Variants in RBM19 observed in about 807,000 individuals in gnomAD.
RBM19 encodes the protein RNA binding motif protein 19.
In RBM19, 94 loss-of-function variants were observed where a neutral mutation model predicts 116.8. The observed-to-expected ratio is 0.80, with a 90% CI of 0.68 to 0.95. The LOEUF (loss-of-function observed/expected upper bound fraction) is 0.95, where lower values mean the gene tolerates loss of function less well. Among genes scored for constraint, RBM19 ranks in the 40% least tolerant of loss-of-function variants. The pLI is 0.00. For missense variants in RBM19, 1,161 were observed against 1,220.7 expected (o/e 0.95, Z 0.73); for synonymous variants, 475 against 494.1 (o/e 0.96, Z 0.51).
chr12:113,850,330 C>T (rs1877354256), intron 22 of RBM19, among the ~76,000 whole-genome samples: 2 of 152,190 alleles, frequency 1.3e-5, no homozygotes, highest in Non-Finnish European at 2.9e-5. Context: ...GCAGGTCTAG[C>T]CAGACTCCAG....
chr12:113,888,401 T>C (rs1260127879), intron 21 of RBM19, among the ~76,000 whole-genome samples: 1 of 152,200 alleles, frequency 6.6e-6, no homozygotes, highest in Non-Finnish European at 1.5e-5. Context: ...AACCTTGACC[T>C]TCTAAGTCCA....
chr12:113,952,592 T>C lies in RBM19; in HGVS notation c.922-2A>G. The C allele has an allele frequency of 1.2e-6, 2 of 1,613,670 alleles. No individual in the cohort carries two copies. The highest frequency in any genetic ancestry group is 1.7e-6 in the Non-Finnish European group (2 of 1,179,626). On this transcript the variant is annotated splice_acceptor_variant, in intron 7 of 23. Coordinates refer to ENST00000261741, the MANE Select transcript of RBM19 (RefSeq NM_016196.4). LOFTEE classifies it high-confidence loss of function. ...TGCCAGGAATTCCATAACATTTTTC[T>C]GTGAGAAGAAGTTTTTTTCCCCTTA...
intron 2 of RBM19, among the ~76,000 whole-genome samples, chr12:113,961,601 T>C (rs1872508311): frequency 6.6e-6 from 1 of 152,220 alleles, no homozygotes; most frequent in African/African-American, 2.4e-5. Flanking sequence ...CCATCATCTG[T>C]TTTTTCCTTC....
At chr12:113,931,677 G>A (rs968501907) in intron 16 of RBM19, among the ~76,000 whole-genome samples, 1 of 152,068 alleles carries the variant, frequency 6.6e-6, no homozygotes, top group African/African-American at 2.4e-5. Flanking sequence ...TGATGGCCGA[G>A]CCTGCCAAGC....
chr12:113,902,496 G>C (rs1881758992), intron 21 of RBM19, among the ~76,000 whole-genome samples: 1 of 151,838 alleles, frequency 6.6e-6, no homozygotes. Context: ...CTACTCAGGA[G>C]GCTGGGGAAG....
intron 23 of RBM19, among the ~76,000 whole-genome samples, chr12:113,833,273 G>C (rs1417814357): frequency 1.3e-5 from 2 of 152,202 alleles, no homozygotes; most frequent in East Asian, 3.8e-4. Context: ...AGTCTGGCTG[G>C]CTCTACCTTT....
chr12:113,937,139 G>T lies in RBM19; in HGVS notation c.1939-3C>A, dbSNP rs1472658273. ...AGATAGAGGGGGACATGATGGAACT[G>T]CAGAGACAAGAGTGATGGCCCTGTG... On this transcript the variant is annotated splice_polypyrimidine_tract_variant and splice_region_variant and intron_variant, in intron 15 of 23. Coordinates refer to ENST00000261741, the MANE Select transcript of RBM19 (RefSeq NM_016196.4). 6.2e-7 allele frequency: 1 copy of T among 1,613,950 alleles called. No homozygotes were observed. The highest frequency in any genetic ancestry group is 8.5e-7 in the Non-Finnish European group (1 of 1,179,904).
chr12:113,891,841 G>C (rs116430511), intron 21 of RBM19, among the ~76,000 whole-genome samples: 1 of 152,176 alleles, frequency 6.6e-6, no homozygotes, highest in Non-Finnish European at 1.5e-5. Flanking sequence ...GCCCCACGAA[G>C]TGTAATCACA....
At chr12:113,960,033 A>C (rs1872352588) in intron 3 of RBM19, 26 bp downstream of exon 3, 1 of 1,614,056 alleles carries the variant, frequency 6.2e-7, no homozygotes. Context: ...CAGTGGGGAC[A>C]GAGGCTAGAG....
rs58632101 is a variant in RBM19, at chr12:113,857,237, C to T, written c.2664+1554G>A. Among the ~76,000 whole-genome samples the T allele has an allele frequency of 5.4e-3, 825 of 152,268 alleles. 10 individuals carry two copies. The highest frequency in any genetic ancestry group is 0.018 in the African/African-American group (756 of 41,540). On this transcript the variant is annotated intron_variant, in intron 22 of 23. Coordinates refer to ENST00000261741, the MANE Select transcript of RBM19 (RefSeq NM_016196.4). ...ATCCACAGAGCATCACATGTGTGCACGAATCCATAGACCAAGGGTGGCTCT... is the reference window on the plus strand; with the variant it reads ...ATCCACAGAGCATCACATGTGTGCATGAATCCATAGACCAAGGGTGGCTCT...
At chr12:113,956,951 A>G (rs563351405) in intron 6 of RBM19, among the ~76,000 whole-genome samples, 1 of 152,336 alleles carries the variant, frequency 6.6e-6, no homozygotes, top group Non-Finnish European at 1.5e-5. Context: ...GCGCAGGCTC[A>G]GTTGATCCTC....
At chr12:113,828,867 C>CA (rs1722639704) in intron 23 of RBM19, among the ~76,000 whole-genome samples, 1 of 152,208 alleles carries the variant, frequency 6.6e-6, no homozygotes, top group South Asian at 2.1e-4. Context: ...GATAGGTCTG[C>CA]ATCTCAGGGC....
intron 10 of RBM19, among the ~76,000 whole-genome samples, chr12:113,948,590 C>T (rs753978913): frequency 6.6e-6 from 1 of 152,228 alleles, no homozygotes; most frequent in Non-Finnish European, 1.5e-5. Context: ...AGAGTTCAGA[C>T]AGCAAAGGAT....
chr12:113,920,696 A>C lies in RBM19; in HGVS notation c.2306-6T>G. The C allele has an allele frequency of 1.2e-6, 2 of 1,612,660 alleles. No individual in the cohort carries two copies. Among genetic ancestry groups the C allele is most frequent in the South Asian group, 2.2e-5 (2 of 91,056 alleles). On this transcript the variant is annotated splice_region_variant and splice_polypyrimidine_tract_variant and intron_variant, in intron 18 of 23. Transcript: ENST00000261741. ...CCCCATGGAAAGGAGCACTCCTGAG[A>C]GAGAGAGGTGGAAATCACACCAGTC...
chr12:113,919,999 T>A (rs1883013680), intron 19 of RBM19, among the ~76,000 whole-genome samples: 1 of 152,148 alleles, frequency 6.6e-6, no homozygotes. Flanking sequence ...CTCCTCATCC[T>A]GCACCCTGAA....
At chr12:113,916,543 G>A (rs922368892) in intron 20 of RBM19, among the ~76,000 whole-genome samples, 7 of 152,190 alleles carry the variant, frequency 4.6e-5, no homozygotes, top group African/African-American at 1.7e-4. Flanking sequence ...ATCAGGGCAG[G>A]TCTGGGTGAC....
At chr12:113,964,836 G>GGT (rs1872741639) in intron 1 of RBM19, among the ~76,000 whole-genome samples, 1 of 152,016 alleles carries the variant, frequency 6.6e-6, no homozygotes, top group East Asian at 1.9e-4. Flanking sequence ...AGAGAGGGAA[G>GGT]GTAGGACAGA....
chr12:113,845,611 C>T (rs951447871), intron 22 of RBM19, among the ~76,000 whole-genome samples: 3 of 152,052 alleles, frequency 2.0e-5, no homozygotes, highest in Admixed American at 1.3e-4. Context: ...GCTAGCAGTC[C>T]CCCAGCCCCT....
intron 8 of RBM19, among the ~76,000 whole-genome samples, chr12:113,950,648 T>G (rs1218157850): frequency 6.7e-6 from 1 of 149,588 alleles, no homozygotes; most frequent in Non-Finnish European, 1.5e-5. Context: ...TCTTTGGGCC[T>G]CAAACCTGTG....
Sources: gnomAD v4.1 joint callset for allele counts (sites outside exome capture counted in the v4.1 genomes callset) on GRCh38, gnomAD v4.1.1 for gene constraint, MANE v1.5 for transcripts, NCBI Gene and HGNC (gene_info 2026-07-23, HGNC 2026-07-21) for gene names.